The following LTBP2 variants were observed in gnomAD, a reference collection of about 807,000 sequenced individuals.
LTBP2 encodes latent transforming growth factor beta binding protein 2.
A neutral mutation model predicts 210.6 loss-of-function variants in LTBP2; 103 were observed. The observed-to-expected ratio is 0.49, with a 90% CI of 0.42 to 0.58. LTBP2 has a LOEUF of 0.58. Ranked by LOEUF, LTBP2 falls within the 20% of genes least tolerant of loss-of-function variation. LTBP2 has a pLI of 0.00. For synonymous variants in LTBP2, 1,007 were observed against 1,015.0 expected, an observed-to-expected ratio of 0.99 and a Z score of 0.15; for missense variants, 2,313 against 2,494.5, an observed-to-expected ratio of 0.93 and a Z score of 1.55.
intron 2 of LTBP2, among the ~76,000 whole-genome samples, chr14:74,596,768 G>A (rs143558008): frequency 1.1e-3 from 165 of 152,350 alleles, no homozygotes; most frequent in South Asian, 4.1e-3. Context: ...GCCCCTGGGT[G>A]GCTGGCTCGA....
rs763990884 is a variant in LTBP2, at chr14:74,507,995, G to A, written c.3753C>T (p.Ser1251=). Residue 1251 remains serine, a synonymous_variant, in exon 25 of 36, where the codon TCC becomes TCT. Coordinates refer to ENST00000261978, the MANE Select transcript of LTBP2 (RefSeq NM_000428.3). ...NCLCETGFQP[S]PESGECVDID... ...TACCCACACACTCTCCACTCTCTGGGGAGGGCTGGAAGCCAGTCTCACATA... is the reference window on the plus strand; with the variant it reads ...TACCCACACACTCTCCACTCTCTGGAGAGGGCTGGAAGCCAGTCTCACATA... 3.2e-5 allele frequency: 52 copies of A among 1,613,592 alleles called. No homozygotes were observed. Among genetic ancestry groups the A allele is most frequent in the African/African-American group, 1.5e-4 (11 of 74,928 alleles).
intron 1 of LTBP2, among the ~76,000 whole-genome samples, chr14:74,604,448 TG>T (rs1455351027): frequency 1.3e-5 from 2 of 151,790 alleles, no homozygotes; most frequent in Non-Finnish European, 2.9e-5. Context: ...GCTGGGGATG[TG>T]GGTTAAGCTG....
intron 3 of LTBP2, among the ~76,000 whole-genome samples, chr14:74,562,681 T>C (rs1478028314): frequency 6.6e-6 from 1 of 152,122 alleles, no homozygotes; most frequent in African/African-American, 2.4e-5. Flanking sequence ...TTTCTCCTTG[T>C]AAGGGATGTG....
At chr14:74,507,944 G>A in intron 25 of LTBP2, 29 bp downstream of exon 25, 1 of 1,611,640 alleles carries the variant, frequency 6.2e-7, no homozygotes, top group Non-Finnish European at 8.5e-7. Context: ...TGTGGGCAGA[G>A]CCCTGTGCCC....
chr14:74,537,202 G>GAA (rs11405621), intron 8 of LTBP2, among the ~76,000 whole-genome samples: 1 of 150,814 alleles, frequency 6.6e-6, no homozygotes, highest in East Asian at 1.9e-4. Context: ...ATAAAAACAG[G>GAA]AAAAAAATCT....
chr14:74,538,777 C>A (rs1320587700), intron 8 of LTBP2, among the ~76,000 whole-genome samples: 1 of 152,236 alleles, frequency 6.6e-6, no homozygotes, highest in Non-Finnish European at 1.5e-5. Flanking sequence ...CCTGCCAGGA[C>A]TGGCCCGCTC....
chr14:74,500,727 A>C lies in LTBP2; in HGVS notation c.*157T>G. ...CATGGAGGCAATGACCGAAGCTTAC[A>C]GCCAGAGGCTAAGCTGGGAGAGATG... On this transcript the variant is annotated 3_prime_UTR_variant, in exon 36 of 36. Coordinates refer to ENST00000261978, the MANE Select transcript of LTBP2 (RefSeq NM_000428.3). 2.0e-6 allele frequency: 2 copies of C among 991,398 alleles called. No individual in the cohort carries two copies. Among genetic ancestry groups the C allele is most frequent in the Non-Finnish European group, 3.1e-6 (2 of 640,610 alleles). 61.4% of individuals were successfully genotyped at this position (991,398 alleles called of 1,614,324 possible).
chr14:74,529,836 G>A lies in LTBP2; in HGVS notation c.1988-714C>T, dbSNP rs556506121. ...GTATGTTATCTCAATGGAAGACGAG[G>A]AGGCCATGCCAGGTTGGAAGAGTCT... On this transcript the variant is annotated intron_variant, in intron 10 of 35. Coordinates refer to ENST00000261978, the MANE Select transcript of LTBP2 (RefSeq NM_000428.3). Among the ~76,000 whole-genome samples, 6 of 152,316 alleles carry A rather than the reference G, an allele frequency of 3.9e-5. No homozygotes were observed. In the South Asian group the frequency reaches 1.2e-3, roughly 32 times the overall value.
chr14:74,532,298 G>A (rs912289791), intron 10 of LTBP2, 128 bp downstream of exon 10: 27 of 1,319,836 alleles, frequency 2.0e-5, no homozygotes, highest in South Asian at 3.6e-5. Context: ...TTGAATAGCC[G>A]ACACAGGCCC....
chr14:74,509,259 G>T lies in LTBP2; in HGVS notation c.3382C>A (p.Pro1128Thr). ...ATACCTTCACAGGAGTCACCCAGGG[G>T]GCTGGGCCGGTAGCCCCCATCGCAG... ...KDCDGGYRPS[P>T]LGDSCEDVDE... Residue 1128 changes from proline (P) to threonine (T), a missense_variant, in exon 22 of 36, where the codon CCC (proline) becomes ACC (threonine). Pro to Thr is a conservative substitution (Grantham distance 38). This residue lies in a region of LTBP2 where 1,867 missense variants were observed against 1,976.9 expected (regional missense o/e 0.94). Transcript: ENST00000261978. The T allele has an allele frequency of 6.2e-7, 1 of 1,613,610 alleles. No homozygotes were observed. The highest frequency in any genetic ancestry group is 8.5e-7 in the Non-Finnish European group (1 of 1,179,992).
intron 27 of LTBP2, 87 bp downstream of exon 27, chr14:74,506,611 G>A (rs2086988507): frequency 6.3e-7 from 1 of 1,586,214 alleles, no homozygotes; most frequent in South Asian, 1.1e-5. Context: ...CCGTGATGGA[G>A]CCACGTGACC....
At chr14:74,605,071 C>T (rs904342147) in intron 1 of LTBP2, among the ~76,000 whole-genome samples, 4 of 152,158 alleles carry the variant, frequency 2.6e-5, no homozygotes, top group African/African-American at 7.2e-5. Flanking sequence ...AAATCATCAC[C>T]GGGCACTGGA....
rs1312785159 is a variant in LTBP2 at position 74,586,298 on chromosome 14, C to A, written c.566-180G>T. Among the ~76,000 whole-genome samples the A allele has an allele frequency of 6.6e-6, 1 of 152,166 alleles. No individual in the cohort carries two copies. The highest frequency in any genetic ancestry group is 6.5e-5 in the Admixed American group (1 of 15,284). ...TGTCTCTCCCACCTCCATCCACAGA[C>A]CCCCAGGACTTGTTCACCTCTGATC... On this transcript the variant is annotated intron_variant, in intron 2 of 35. Transcript: ENST00000261978. This position sits in a 1 kb window ranked among gnomAD's most constrained non-coding sequence, Gnocchi z 4.6.
At chr14:74,585,720 A>G in intron 3 of LTBP2, 134 bp downstream of exon 3, 2 of 1,407,728 alleles carry the variant, frequency 1.4e-6, no homozygotes, top group Middle Eastern at 2.0e-4. Flanking sequence ...GGGAAAGCCA[A>G]GGAGGGTGGG....
At chr14:74,535,590 G>A (rs953278934) in intron 9 of LTBP2, among the ~76,000 whole-genome samples, 29 of 152,330 alleles carry the variant, frequency 1.9e-4, no homozygotes, top group African/African-American at 7.0e-4. Flanking sequence ...ACTCCAGGGA[G>A]ACCAGCTCAG....
chr14:74,590,157 C>A (rs2088262326), intron 2 of LTBP2, among the ~76,000 whole-genome samples: 1 of 152,160 alleles, frequency 6.6e-6, no homozygotes, highest in African/African-American at 2.4e-5. Flanking sequence ...GATGTTGGCA[C>A]AGACATGGTG....
At chr14:74,511,520 C>T (rs2087071478) in intron 18 of LTBP2, among the ~76,000 whole-genome samples, 156 bp from the exon 19 acceptor site, 1 of 152,190 alleles carries the variant, frequency 6.6e-6, no homozygotes, top group Admixed American at 6.5e-5. Flanking sequence ...TTCCCAACTC[C>T]ACCTCTCACC....
intron 26 of LTBP2, 136 bp from the exon 27 acceptor site, chr14:74,506,959 A>G (rs1030270659): frequency 6.0e-5 from 92 of 1,545,408 alleles, no homozygotes; most frequent in Non-Finnish European, 7.9e-5. Context: ...TTGGCTTATT[A>G]GCACCAAGAC....
intron 8 of LTBP2, 79 bp downstream of exon 8, chr14:74,549,784 G>A: frequency 8.2e-7 from 1 of 1,225,330 alleles, no homozygotes; most frequent in South Asian, 1.2e-5. Flanking sequence ...TGACATCCTG[G>A]AGGGGAAACC....
Sources: gnomAD v4.1 joint callset for allele counts (sites outside exome capture counted in the v4.1 genomes callset) on GRCh38, gnomAD v4.1.1 for gene constraint, gnomAD v4.1.1 regional missense constraint, Gnocchi (gnomAD v3.1) non-coding constraint, MANE v1.5 for transcripts, NCBI Gene and HGNC (gene_info 2026-07-23, HGNC 2026-07-21) for gene names.